The following TGM6 variants were observed in gnomAD, a reference collection of about 807,000 sequenced individuals.
TGM6 encodes the protein transglutaminase 6, also known as protein-glutamine gamma-glutamyltransferase 6.
A neutral mutation model predicts 77.5 loss-of-function variants in TGM6; 74 were observed. That is an observed-to-expected ratio of 0.96 (90% CI 0.79 to 1.16). The LOEUF is 1.16. Among genes scored for constraint, TGM6 ranks in the 50% most tolerant of loss-of-function variants. TGM6 has a pLI of 0.00. For synonymous variants in TGM6, 383 were observed against 378.9 expected, an observed-to-expected ratio of 1.01 and a Z score of -0.12; for missense variants, 968 against 940.2, an observed-to-expected ratio of 1.03 and a Z score of -0.39.
At chr20:2,431,356 A>AT (rs756408571) in intron 12 of TGM6, among the ~76,000 whole-genome samples, 5 of 152,126 alleles carry the variant, frequency 3.3e-5, no homozygotes, top group Non-Finnish European at 5.9e-5. Flanking sequence ...CTTACTCTTT[A>AT]TTCACTCATT....
chr20:2,402,131 A>G (rs1181224522), intron 7 of TGM6, among the ~76,000 whole-genome samples: 3 of 152,142 alleles, frequency 2.0e-5, no homozygotes, highest in African/African-American at 7.2e-5. Flanking sequence ...CTCCCCAGCT[A>G]CTGGGGAGGC....
chr20:2,398,007 C>A lies in TGM6; in HGVS notation c.633C>A (p.Arg211=). 1 of 1,614,168 alleles carries A rather than the reference C, an allele frequency of 6.2e-7. No homozygotes were observed. The part of the protein sequence containing the change: ...QNNPATDVSC[R]HNPIYVTRVI... Reference sequence around the variant, plus strand: ...ACCCAGCCACCGACGTGTCCTGCCGCCACAACCCCATCTACGTCACCAGGG... The same window carrying A: ...ACCCAGCCACCGACGTGTCCTGCCGACACAACCCCATCTACGTCACCAGGG... The change falls in exon 5 of 13, where the codon CGC becomes CGA. Residue 211 remains arginine, a synonymous_variant. Coordinates refer to ENST00000202625, the MANE Select transcript of TGM6 (RefSeq NM_198994.3).
chr20:2,397,514 A>G (rs1213244131), intron 4 of TGM6, among the ~76,000 whole-genome samples: 1 of 152,240 alleles, frequency 6.6e-6, no homozygotes, highest in Non-Finnish European at 1.5e-5. Flanking sequence ...ATTATCAGAG[A>G]CCAGAAACCT....
Position 2,417,243 on chromosome 20 carries a change from G to A in TGM6, c.1348G>A (p.Glu450Lys). Reference sequence around the variant, plus strand: ...GTGATGCCCTGCAGGGTCCCGGAAAGAGAGGCAGGTGTACAGCAAGGCGGT... The same window carrying A: ...GTGATGCCCTGCAGGGTCCCGGAAAAAGAGGCAGGTGTACAGCAAGGCGGT... ...LYKYPEGSRK[E>K]RQVYSKAVNR... Residue 450 changes from glutamate to lysine, a missense_variant, in exon 10 of 13, where the codon GAG becomes AAG. Glu to Lys is a moderately conservative substitution (Grantham distance 56, BLOSUM62 1). Transcript: ENST00000202625. The A allele has an allele frequency of 6.2e-7, 1 of 1,602,598 alleles. No homozygotes were observed. The highest frequency in any genetic ancestry group is 8.5e-7 in the Non-Finnish European group (1 of 1,175,110).
intron 2 of TGM6, 139 bp downstream of exon 2, chr20:2,394,764 C>T (rs2084651556): frequency 1.9e-6 from 2 of 1,046,170 alleles, no homozygotes; most frequent in Non-Finnish European, 2.8e-6. Flanking sequence ...GCCTTGAACC[C>T]TGGAGGCTTC....
intron 1 of TGM6, among the ~76,000 whole-genome samples, chr20:2,391,110 T>G (rs1188400502): frequency 3.3e-5 from 5 of 151,428 alleles, no homozygotes; most frequent in Admixed American, 3.3e-4. Flanking sequence ...CTGGCTTCCA[T>G]GTTGAGAATG....
intron 10 of TGM6, among the ~76,000 whole-genome samples, chr20:2,418,042 TCA>T (rs1351337539): frequency 6.6e-6 from 1 of 152,058 alleles, no homozygotes; most frequent in Non-Finnish European, 1.5e-5. Flanking sequence ...AGACAGAGTC[TCA>T]CTCTGTCACC....
rs74338361 is a variant in TGM6, at chr20:2,417,552, G to A, written c.1657G>A (p.Val553Met). Reference sequence around the variant, plus strand: ...AGAGATCCTGCATGAATCCCACGCCGTGAGGCTGGGGCCGCAAGAAGGTAA... The same window carrying A: ...AGAGATCCTGCATGAATCCCACGCCATGAGGCTGGGGCCGCAAGAAGGTAA... ...VAEILHESHAVRLGPQEEKRI... is the reference protein window; with the variant it reads ...VAEILHESHAMRLGPQEEKRI... Residue 553 changes from valine to methionine, a missense_variant, in exon 10 of 13, where the codon GTG becomes ATG. Coordinates refer to ENST00000202625, the MANE Select transcript of TGM6 (RefSeq NM_198994.3). The A allele has an allele frequency of 9.9e-4, 1,592 of 1,602,900 alleles. 8 individuals are homozygous for A. The African/African-American group carries it at 0.019, about 19-fold the overall frequency.
At chr20:2,403,287 C>T in intron 7 of TGM6, 110 bp from the exon 8 acceptor site, 5 of 1,098,256 alleles carry the variant, frequency 4.6e-6, no homozygotes, top group Non-Finnish European at 4.1e-6. Context: ...TCACAACATG[C>T]AGCCACAGTT....
At chr20:2,397,258 A>G (rs1197513182) in intron 4 of TGM6, among the ~76,000 whole-genome samples, 1 of 152,198 alleles carries the variant, frequency 6.6e-6, no homozygotes, top group African/African-American at 2.4e-5. Flanking sequence ...GCAGAGCCGC[A>G]CGGACGTGGG....
intron 9 of TGM6, among the ~76,000 whole-genome samples, chr20:2,405,451 C>T (rs1226174437): frequency 6.6e-6 from 1 of 152,140 alleles, no homozygotes; most frequent in African/African-American, 2.4e-5. Flanking sequence ...CCCAGGTGGT[C>T]TCTAGTGTGC....
chr20:2,407,863 A>G (rs1429214423), intron 9 of TGM6, among the ~76,000 whole-genome samples: 1 of 152,164 alleles, frequency 6.6e-6, no homozygotes, highest in Non-Finnish European at 1.5e-5. Context: ...CATGATTCAG[A>G]GGCAAGGGGA....
At chr20:2,416,313 T>C (rs1486847473) in intron 9 of TGM6, among the ~76,000 whole-genome samples, 1 of 152,102 alleles carries the variant, frequency 6.6e-6, no homozygotes, top group Non-Finnish European at 1.5e-5. Context: ...AAGGGACATA[T>C]AGATCAAAGA....
chr20:2,396,716 G>A (rs1315861638), intron 4 of TGM6, 92 bp downstream of exon 4: 2 of 1,198,052 alleles, frequency 1.7e-6, no homozygotes, highest in Admixed American at 1.8e-5. Context: ...CTCTTCTCAG[G>A]AGGGACAAGG....
chr20:2,393,949 T>C (rs908242875), intron 1 of TGM6, among the ~76,000 whole-genome samples: 2 of 152,172 alleles, frequency 1.3e-5, no homozygotes, highest in Non-Finnish European at 2.9e-5. Context: ...CTAAGGGCAA[T>C]GGGCCAGTTC....
chr20:2,390,706 TGGA>T (rs2084624317), intron 1 of TGM6, among the ~76,000 whole-genome samples: 1 of 151,908 alleles, frequency 6.6e-6, no homozygotes, highest in South Asian at 2.1e-4. Context: ...AGGAAAATAG[TGGA>T]GAAGGAGAGT....
At chr20:2,412,060 G>T (rs1161137681) in intron 9 of TGM6, among the ~76,000 whole-genome samples, 1 of 152,036 alleles carries the variant, frequency 6.6e-6, no homozygotes, top group Non-Finnish European at 1.5e-5. Context: ...CATCAAAATG[G>T]CCAAAAGGTG....
intron 9 of TGM6, among the ~76,000 whole-genome samples, chr20:2,415,284 CAGGG>C (rs1346784484): frequency 6.6e-6 from 1 of 152,146 alleles, no homozygotes; most frequent in Non-Finnish European, 1.5e-5. Flanking sequence ...CACACAGTAT[CAGGG>C]TACCTTCAGG....
At chr20:2,392,170 G>A (rs374489279) in intron 1 of TGM6, among the ~76,000 whole-genome samples, 1 of 152,200 alleles carries the variant, frequency 6.6e-6, no homozygotes. Context: ...ACTGCATGAT[G>A]TCAGGGCCAG....
Sources: gnomAD v4.1 joint callset for allele counts (sites outside exome capture counted in the v4.1 genomes callset) on GRCh38, gnomAD v4.1.1 for gene constraint, MANE v1.5 for transcripts, NCBI Gene and HGNC (gene_info 2026-07-23, HGNC 2026-07-21) for gene names.